Variants in ULK4 observed in about 807,000 individuals in gnomAD.
ULK4 encodes the protein unc-51 like kinase 4, also known as inactive serine/threonine-protein kinase ULK4.
In ULK4, 133 loss-of-function variants were observed where a neutral mutation model predicts 160.6. That is an observed-to-expected ratio of 0.83 (90% CI 0.72 to 0.96). The LOEUF is 0.96. ULK4 is among the 40% of genes least tolerant of loss of function. The probability of loss-of-function intolerance (pLI) is 0.00; values close to 1 mark genes in which losing one functional copy is unlikely to be tolerated. For synonymous variants in ULK4, 534 were observed against 539.8 expected (o/e 0.99, Z 0.15); for missense variants, 1,580 against 1,499.5 (o/e 1.05, Z -0.89).
At chr3:41,420,475 C>CTTTCTTTTTTTTT (rs2082636372) in intron 34 of ULK4, among the ~76,000 whole-genome samples, 1 of 41,178 alleles carries the variant, frequency 2.4e-5, no homozygotes, top group Non-Finnish European at 4.1e-5. Context: ...CCAGTTCTTT[C>CTTTCTTTTTTTTT]TTTTTTTTTT....
At chr3:41,880,379 TTA>T (rs1410123829) in intron 17 of ULK4, among the ~76,000 whole-genome samples, 1 of 152,224 alleles carries the variant, frequency 6.6e-6, no homozygotes, top group East Asian at 1.9e-4. Flanking sequence ...TCATGACCAG[TTA>T]TTTTCTGTAG....
chr3:41,483,722 A>G (rs2084408335), intron 32 of ULK4, among the ~76,000 whole-genome samples: 1 of 152,170 alleles, frequency 6.6e-6, no homozygotes, highest in Non-Finnish European at 1.5e-5. Context: ...ACATGGGAAA[A>G]GGGACTTTGC....
At chr3:41,521,373 A>AT (rs372760821) in intron 32 of ULK4, among the ~76,000 whole-genome samples, 259 of 150,192 alleles carry the variant, frequency 1.7e-3, no homozygotes, top group African/African-American at 5.0e-3. Flanking sequence ...ATTAGACCTT[A>AT]TTTTTTTTTC....
At chr3:41,592,303 A>G (rs1484593204) in intron 31 of ULK4, among the ~76,000 whole-genome samples, 1 of 152,172 alleles carries the variant, frequency 6.6e-6, no homozygotes, top group Non-Finnish European at 1.5e-5. Flanking sequence ...TAGAGGAAGC[A>G]GCGGGAAAAG....
intron 29 of ULK4, among the ~76,000 whole-genome samples, chr3:41,667,234 G>A (rs906657188): frequency 7.9e-5 from 12 of 151,970 alleles, no homozygotes; most frequent in South Asian, 2.1e-4. Flanking sequence ...TCTTGAGGTC[G>A]TTTGAAGTTA....
intron 30 of ULK4, among the ~76,000 whole-genome samples, chr3:41,662,449 C>T (rs971526949): frequency 1.6e-4 from 24 of 152,172 alleles, no homozygotes; most frequent in Admixed American, 8.5e-4. Context: ...GACTCAGTCA[C>T]GGCAAATCTA....
intron 36 of ULK4, among the ~76,000 whole-genome samples, chr3:41,248,840 A>G (rs1038678762): frequency 2.6e-5 from 4 of 152,162 alleles, no homozygotes; most frequent in Non-Finnish European, 5.9e-5. Flanking sequence ...AGCATGTAAC[A>G]TGCTCCTGGG....
In ULK4 at chr3:41,652,062, C is replaced by A. The variant is rs557900175; in HGVS notation, c.3071+11545G>T. 4.7e-4 allele frequency among the ~76,000 whole-genome samples: 71 copies of A among 152,226 alleles called. No individual in the cohort carries two copies. In the South Asian group the frequency reaches 0.013, roughly 29 times the overall value. ...ATATGGATTCAAAAGTTTAAGTTGT[C>A]CCTGACAGCAGAGATGAACAGTCTC... is the stretch of plus-strand genomic sequence containing the variant. On this transcript the variant is annotated intron_variant, in intron 30 of 36. Coordinates refer to ENST00000301831, the MANE Select transcript of ULK4 (RefSeq NM_017886.4).
Position 41,459,962 on chromosome 3 carries a change from A to G in ULK4, c.3393+3125T>C, listed in dbSNP as rs912336785. Among the ~76,000 whole-genome samples the G allele has an allele frequency of 2.3e-4, 35 of 152,180 alleles. 1 individual carries two copies. The highest frequency in any genetic ancestry group is 2.3e-3 in the Admixed American group (35 of 15,280). ...AAGGAAGGGAGAAACTATCAGGACT[A>G]TGGGCTATGACAGAAAAATCTCATC... On this transcript the variant is annotated intron_variant, in intron 33 of 36. Transcript: ENST00000301831.
chr3:41,646,563 C>G (rs2034502450), intron 30 of ULK4, among the ~76,000 whole-genome samples: 1 of 152,228 alleles, frequency 6.6e-6, no homozygotes, highest in African/African-American at 2.4e-5. Context: ...GAGAGATCCG[C>G]TGTTAGTCTG....
At chr3:41,952,698 C>A (rs1231605843) in intron 2 of ULK4, among the ~76,000 whole-genome samples, 1 of 152,126 alleles carries the variant, frequency 6.6e-6, no homozygotes, top group African/African-American at 2.4e-5. Flanking sequence ...ACCATAGGAC[C>A]AGCAATTCCA....
At chr3:41,724,647 C>G (rs985166968) in intron 22 of ULK4, among the ~76,000 whole-genome samples, 1 of 151,962 alleles carries the variant, frequency 6.6e-6, no homozygotes, top group African/African-American at 2.4e-5. Context: ...GGCGTGAACC[C>G]GGGAGGCAGA....
At chr3:41,784,419 C>T (rs1208129832) in intron 21 of ULK4, among the ~76,000 whole-genome samples, 1 of 151,766 alleles carries the variant, frequency 6.6e-6, no homozygotes, top group African/African-American at 2.4e-5. Flanking sequence ...GGAAATCAAG[C>T]AAAACTCCGT....
chr3:41,497,270 C>T (rs1304387178), intron 32 of ULK4, among the ~76,000 whole-genome samples: 3 of 151,656 alleles, frequency 2.0e-5, no homozygotes, highest in Non-Finnish European at 4.4e-5. Flanking sequence ...CTAGAAATGG[C>T]AGGAAAAAAA....
In ULK4 at chr3:41,566,008, T is replaced by C; in HGVS notation, c.3226+17A>G. ...TAGGCAAAACTTGATCAGAGAGTAA[T>C]TCTATGAGGCATTTACCTTGTTCAT... On this transcript the variant is annotated intron_variant, in intron 32 of 36. Coordinates refer to ENST00000301831, the MANE Select transcript of ULK4 (RefSeq NM_017886.4). 6.3e-7 allele frequency: 1 copy of C among 1,597,148 alleles called. No individual in the cohort carries two copies. The highest frequency in any genetic ancestry group is 8.6e-7 in the Non-Finnish European group (1 of 1,165,522).
At chr3:41,769,662 A>C (rs1476092727) in intron 21 of ULK4, among the ~76,000 whole-genome samples, 1 of 152,020 alleles carries the variant, frequency 6.6e-6, no homozygotes, top group Non-Finnish European at 1.5e-5. Flanking sequence ...AGATGGTATA[A>C]TGAAATATTT....
intron 13 of ULK4, 54 bp from the exon 14 acceptor site, chr3:41,898,546 G>A (rs113310661): frequency 2.1e-5 from 24 of 1,119,610 alleles, no homozygotes; most frequent in African/African-American, 4.7e-5. Context: ...ATGGATATCT[G>A]TCTCCTTATA....
chr3:41,882,092 A>C, intron 17 of ULK4: 1 of 665,300 alleles, frequency 1.5e-6, no homozygotes, highest in Non-Finnish European at 2.7e-6. Flanking sequence ...CAGCCCCTTG[A>C]CAATTCCTGC....
chr3:41,506,451 C>T (rs188418045), intron 32 of ULK4, among the ~76,000 whole-genome samples: 100 of 152,160 alleles, frequency 6.6e-4, no homozygotes, highest in Non-Finnish European at 2.9e-5. Flanking sequence ...AATAATTCAT[C>T]TAACATTCTT....
Sources: allele counts gnomAD v4.1 joint callset (sites outside exome capture counted in the v4.1 genomes callset), GRCh38; gene constraint gnomAD v4.1.1; transcripts MANE v1.5; gene names NCBI Gene and HGNC (gene_info 2026-07-23, HGNC 2026-07-21).